Variants in MYH10 observed in about 807,000 individuals in gnomAD.
The protein encoded by MYH10 is myosin heavy chain 10, also known as myosin-10.
In MYH10, 55 loss-of-function variants were observed where a neutral mutation model predicts 257.8. That is an observed-to-expected ratio of 0.21 (90% CI 0.17 to 0.27). The LOEUF is 0.27. MYH10 is among the 10% of genes least tolerant of loss of function. MYH10 has a pLI of 1.00. For missense variants in MYH10, 1,631 were observed against 2,500.6 expected (o/e 0.65, Z 7.42); for synonymous variants, 854 against 921.7 (o/e 0.93, Z 1.33).
chr17:8,595,593 C>T (rs965143720), intron 3 of MYH10, among the ~76,000 whole-genome samples: 5 of 152,074 alleles, frequency 3.3e-5, no homozygotes, highest in African/African-American at 4.8e-5. Context: ...CCACCACACC[C>T]GGCTAATTTT....
At chr17:8,516,350 C>T (rs2081468992) in intron 21 of MYH10, among the ~76,000 whole-genome samples, 1 of 152,168 alleles carries the variant, frequency 6.6e-6, no homozygotes, top group African/African-American at 2.4e-5. Flanking sequence ...ACTATTCTGC[C>T]TTTTTCCACA....
intron 2 of MYH10, among the ~76,000 whole-genome samples, chr17:8,608,895 C>T (rs1006655897): frequency 2.0e-5 from 3 of 151,864 alleles, no homozygotes; most frequent in African/African-American, 7.3e-5. Flanking sequence ...ACTGCAAGCT[C>T]CGCCTCCCGG....
intron 1 of MYH10, 21 bp from the exon 2 acceptor site, chr17:8,623,298 C>A (rs759299092): frequency 3.3e-6 from 5 of 1,529,198 alleles, no homozygotes; most frequent in South Asian, 1.3e-5. Flanking sequence ...AGGAGGAGGG[C>A]AAAATTAGAT....
intron 4 of MYH10, among the ~76,000 whole-genome samples, chr17:8,586,069 C>T (rs929113684): frequency 6.6e-6 from 1 of 152,168 alleles, no homozygotes; most frequent in Admixed American, 6.5e-5. Context: ...CTGCCACTGA[C>T]CCCTCCCAGG....
rs773835411 is a variant in MYH10 at position 8,506,292 on chromosome 17, T to A, written c.3386+26A>T. On this transcript the variant is annotated intron_variant, in intron 27 of 42. Transcript: ENST00000360416. This position sits in a 1 kb window ranked among gnomAD's most constrained non-coding sequence, Gnocchi z 5.0. ...TGAAACTCAGCCCCATGGGCTCCCG[T>A]GCAGCGCAGCTGCTGGGCTGCAGAC... The A allele has an allele frequency of 2.6e-6, 4 of 1,558,794 alleles. No homozygotes were observed. In the South Asian group the frequency reaches 5.0e-5, roughly 19 times the overall value.
At chr17:8,486,217 C>A (rs1163652971) in intron 36 of MYH10, among the ~76,000 whole-genome samples, 6 of 152,114 alleles carry the variant, frequency 3.9e-5, no homozygotes, top group Non-Finnish European at 7.3e-5. Context: ...GTGGAGGATT[C>A]TTTTGGGAGG....
At chr17:8,629,001 G>C (rs1027570461) in intron 1 of MYH10, among the ~76,000 whole-genome samples, 3 of 152,160 alleles carry the variant, frequency 2.0e-5, no homozygotes, top group Non-Finnish European at 4.4e-5. Context: ...GGGAAGAACT[G>C]AATTTAAGAT....
In MYH10 at chr17:8,512,674, G is replaced by C. The variant is rs1293132504; in HGVS notation, c.2746-17C>G. On this transcript the variant is annotated splice_polypyrimidine_tract_variant and intron_variant, in intron 23 of 42. Coordinates refer to ENST00000360416, the MANE Select transcript of MYH10 (RefSeq NM_001256012.3). ...TTCTAAAAGCTGCAATCACAATAAA[G>C]TGTCTGTGATTTGCCCCTATTACAT... 6.2e-7 allele frequency: 1 copy of C among 1,603,730 alleles called. No individual in the cohort carries two copies. Among genetic ancestry groups the C allele is most frequent in the East Asian group, 2.2e-5 (1 of 44,782 alleles).
chr17:8,624,523 C>A (rs140691003), intron 1 of MYH10, among the ~76,000 whole-genome samples: 1 of 152,174 alleles, frequency 6.6e-6, no homozygotes, highest in African/African-American at 2.4e-5. Flanking sequence ...CCTCTGTTCA[C>A]TCCACTCCCC....
intron 3 of MYH10, among the ~76,000 whole-genome samples, chr17:8,600,292 A>C (rs2084541974): frequency 6.6e-6 from 1 of 152,212 alleles, no homozygotes; most frequent in Non-Finnish European, 1.5e-5. Flanking sequence ...TACAAGGCAG[A>C]AAGTGAAGGG....
rs746011851 is a variant in MYH10, at chr17:8,492,345, T to C, written c.4623A>G (p.Arg1541=). The C allele has an allele frequency of 1.9e-6, 3 of 1,613,800 alleles. No individual in the cohort carries two copies. In the South Asian group the frequency reaches 3.3e-5, roughly 18 times the overall value. ...EEFERQNKQL[R]ADMEDLMSSK... The stretch of plus-strand genomic sequence containing the variant: ...AGCTCATGAGGTCTTCCATGTCTGC[T>C]CGGAGCTGCTTGTTCTGCCTCTCAA... Residue 1541 remains arginine (R), a synonymous_variant, in exon 34 of 43, where the codon CGA becomes CGG. Coordinates refer to ENST00000360416, the MANE Select transcript of MYH10 (RefSeq NM_001256012.3).
At chr17:8,507,115 C>A (rs1296558580) in intron 26 of MYH10, among the ~76,000 whole-genome samples, 1 of 152,118 alleles carries the variant, frequency 6.6e-6, no homozygotes, top group Non-Finnish European at 1.5e-5. Context: ...AGGATGAGAC[C>A]GAGTGTCACA....
At chr17:8,519,599 C>T (rs2081582326) in intron 19 of MYH10, among the ~76,000 whole-genome samples, 1 of 151,442 alleles carries the variant, frequency 6.6e-6, no homozygotes, top group African/African-American at 2.4e-5. Flanking sequence ...CCCTTTTTCT[C>T]CTAACAATAA....
chr17:8,522,994 C>A (rs1423550808), intron 17 of MYH10, among the ~76,000 whole-genome samples: 5 of 152,212 alleles, frequency 3.3e-5, no homozygotes, highest in Admixed American at 3.3e-4. Flanking sequence ...TTGATGATTT[C>A]TCTTCTGCTT....
At chr17:8,538,414 T>C (rs1278543465) in intron 14 of MYH10, among the ~76,000 whole-genome samples, 1 of 152,216 alleles carries the variant, frequency 6.6e-6, no homozygotes, top group African/African-American at 2.4e-5. Context: ...TTCACCATGT[T>C]GGTCAGGCTG....
chr17:8,499,401 G>A lies in MYH10; in HGVS notation c.3820C>T (p.Leu1274=). 1 of 1,614,190 alleles carries A rather than the reference G, an allele frequency of 6.2e-7. No individual in the cohort carries two copies. Among genetic ancestry groups the A allele is most frequent in the Admixed American group, 1.7e-5 (1 of 60,022 alleles). ...TCAGACTCAGCCTTGACCTGCTGCA[G>A]GACCTTCACCTCACACGCCAGCTCC... is the stretch of plus-strand genomic sequence containing the variant. ...NKELACEVKV[L]QQVKAESEHK... The change falls in exon 30 of 43, where the codon CTG becomes TTG. Residue 1274 remains leucine (L), a synonymous_variant. Coordinates refer to ENST00000360416, the MANE Select transcript of MYH10 (RefSeq NM_001256012.3).
In MYH10 at chr17:8,523,884, C is replaced by T. The variant is rs117148633; in HGVS notation, c.1958-2599G>A. Among the ~76,000 whole-genome samples, 408 of 152,096 alleles carry T rather than the reference C, an allele frequency of 2.7e-3. 1 individual carries two copies. The highest frequency in any genetic ancestry group is 4.5e-3 in the Non-Finnish European group (307 of 68,000). ...GGTTCTGGCTTGAGCAACCGAGTGG[C>T]GGTAGGGAAGACAAGGAGGGAAGTG... On this transcript the variant is annotated intron_variant, in intron 17 of 42. Coordinates refer to ENST00000360416, the MANE Select transcript of MYH10 (RefSeq NM_001256012.3).
At chr17:8,626,265 C>CAG (rs2085670189) in intron 1 of MYH10, among the ~76,000 whole-genome samples, 1 of 152,096 alleles carries the variant, frequency 6.6e-6, no homozygotes, top group Non-Finnish European at 1.5e-5. Context: ...AAACGTTGCA[C>CAG]ACTGGTAAAA....
chr17:8,476,074 G>T (rs767420236), intron 42 of MYH10, 126 bp from the exon 43 acceptor site: 4 of 1,111,970 alleles, frequency 3.6e-6, no homozygotes, highest in Admixed American at 5.4e-5. Context: ...ACGACCTTGT[G>T]GGGGTGGCGG....
Sources: allele counts gnomAD v4.1 joint callset (sites outside exome capture counted in the v4.1 genomes callset), GRCh38; gene constraint gnomAD v4.1.1; non-coding constraint Gnocchi (gnomAD v3.1); transcripts MANE v1.5; gene names NCBI Gene and HGNC (gene_info 2026-07-23, HGNC 2026-07-21).